Variants in FERMT2 observed in about 807,000 individuals in gnomAD.
The protein encoded by FERMT2 is fermitin family homolog 2.
Under a neutral mutation model 82.7 loss-of-function variants are expected in FERMT2, and 15 were observed. That is an observed-to-expected ratio of 0.18 (90% CI 0.12 to 0.28). FERMT2 has a LOEUF of 0.28. Ranked by LOEUF, FERMT2 falls within the 10% of genes least tolerant of loss-of-function variation. The probability of loss-of-function intolerance (pLI) is 1.00; values close to 1 mark genes in which losing one functional copy is unlikely to be tolerated. For missense variants in FERMT2, 645 were observed against 809.4 expected (o/e 0.80, Z 2.46); for synonymous variants, 274 against 271.5 (o/e 1.01, Z -0.09).
chr14:52,903,648 G>A (rs142217969), intron 3 of FERMT2, among the ~76,000 whole-genome samples: 1 of 151,832 alleles, frequency 6.6e-6, no homozygotes, highest in Non-Finnish European at 1.5e-5. Flanking sequence ...CAAATTCTGA[G>A]AGAAAAATAA....
Position 52,883,889 on chromosome 14 carries a change from C to T in FERMT2, c.527-2420G>A, listed in dbSNP as rs910875932. 2.6e-5 allele frequency among the ~76,000 whole-genome samples: 4 copies of T among 152,272 alleles called. No homozygotes were observed. The South Asian group carries it at 8.3e-4, about 32-fold the overall frequency. ...CTGTTCCAGCCACGTGAAGTGCTGG[C>T]TCCTCCTCCGCCTTCCGCTGTAATT... On this transcript the variant is annotated intron_variant, in intron 4 of 14. Coordinates refer to ENST00000341590, the MANE Select transcript of FERMT2 (RefSeq NM_006832.3).
intron 10 of FERMT2, among the ~76,000 whole-genome samples, chr14:52,872,592 TACA>T (rs1885693686): frequency 6.6e-6 from 1 of 152,184 alleles, no homozygotes. Context: ...ACAAAGAGAT[TACA>T]ACAAAATATT....
At chr14:52,864,345 G>C in intron 12 of FERMT2, 56 bp downstream of exon 12, 1 of 1,327,638 alleles carries the variant, frequency 7.5e-7, no homozygotes, top group Non-Finnish European at 1.1e-6. Flanking sequence ...ACAAAGTTAT[G>C]TACAAAATTA....
At chr14:52,870,294 A>G (rs112604334) in intron 10 of FERMT2, among the ~76,000 whole-genome samples, 3,736 of 151,260 alleles carry the variant, frequency 0.025, 155 homozygotes, top group African/African-American at 0.087. Context: ...TTGTTGCCCA[A>G]GCTGGAGTGC....
intron 7 of FERMT2, among the ~76,000 whole-genome samples, chr14:52,877,577 T>TAA (rs201732341): frequency 2.4e-5 from 3 of 125,866 alleles, no homozygotes; most frequent in African/African-American, 1.1e-4. Context: ...GTTCTTGCTT[T>TAA]TTTTTTTTTT....
At chr14:52,886,276 A>G (rs553192100) in intron 4 of FERMT2, among the ~76,000 whole-genome samples, 13 of 136,294 alleles carry the variant, frequency 9.5e-5, no homozygotes, top group East Asian at 2.3e-4. Context: ...CTTGGGGGGG[A>G]GAGAGAGAGA....
Position 52,881,142 on chromosome 14 carries a change from G to A in FERMT2, c.753-4C>T, listed in dbSNP as rs1432574495. ...AGATCTTGAGGAATCAAGCCATCTG[G>A]ACAAATTAAGAACAGTGGAACAAAA... On this transcript the variant is annotated splice_region_variant and splice_polypyrimidine_tract_variant and intron_variant, in intron 5 of 14. Coordinates refer to ENST00000341590, the MANE Select transcript of FERMT2 (RefSeq NM_006832.3). 6.2e-7 allele frequency: 1 copy of A among 1,609,422 alleles called. No homozygotes were observed. The highest frequency in any genetic ancestry group is 1.7e-5 in the Admixed American group (1 of 59,906).
chr14:52,927,590 T>TAAAAAA (rs1566755584), intron 2 of FERMT2, among the ~76,000 whole-genome samples: 9 of 11,810 alleles, frequency 7.6e-4, no homozygotes, highest in African/African-American at 2.3e-3. Flanking sequence ...ACCTCATCCC[T>TAAAAAA]ATAAAAAAAA....
chr14:52,906,007 AAAAG>A (rs1887987362), intron 3 of FERMT2, among the ~76,000 whole-genome samples: 2 of 152,248 alleles, frequency 1.3e-5, no homozygotes, highest in Non-Finnish European at 2.9e-5. Context: ...AAGGAAAAGA[AAAAG>A]AAACACTTTC....
chr14:52,942,487 A>G (rs1234244144), intron 2 of FERMT2, among the ~76,000 whole-genome samples: 5 of 151,906 alleles, frequency 3.3e-5, no homozygotes, highest in African/African-American at 1.2e-4. Context: ...TATTTTCAGT[A>G]GAGACGGGGT....
intron 7 of FERMT2, among the ~76,000 whole-genome samples, chr14:52,876,004 A>G (rs1002751001): frequency 6.6e-6 from 1 of 152,214 alleles, no homozygotes; most frequent in African/African-American, 2.4e-5. Flanking sequence ...TTTTGGATAC[A>G]GAATAGTTAC....
intron 2 of FERMT2, among the ~76,000 whole-genome samples, chr14:52,935,054 G>A (rs1009123116): frequency 2.0e-4 from 30 of 152,160 alleles, no homozygotes; most frequent in African/African-American, 7.2e-4. Flanking sequence ...CTTAGTTAAT[G>A]TATAAAGTTA....
At chr14:52,928,771 C>G (rs757869209) in intron 2 of FERMT2, among the ~76,000 whole-genome samples, 9 of 152,188 alleles carry the variant, frequency 5.9e-5, no homozygotes, top group Non-Finnish European at 1.0e-4. Flanking sequence ...CCATCAGATT[C>G]AAACTCTTTC....
At chr14:52,927,472 G>A (rs1889336036) in intron 2 of FERMT2, among the ~76,000 whole-genome samples, 1 of 151,458 alleles carries the variant, frequency 6.6e-6, no homozygotes, top group Non-Finnish European at 1.5e-5. Context: ...CTACTAAGAC[G>A]CAATTATTGG....
In FERMT2 at chr14:52,920,729, G is replaced by A. The variant is rs547553636; in HGVS notation, c.158-1373C>T. Among the ~76,000 whole-genome samples, 23 of 152,346 alleles carry A rather than the reference G, an allele frequency of 1.5e-4. No homozygotes were observed. The East Asian group carries it at 4.1e-3, about 27-fold the overall frequency. On this transcript the variant is annotated intron_variant, in intron 2 of 14. Transcript: ENST00000341590. Reference sequence around the variant, plus strand: ...AAACTTTGGGAGGCTGAGGCGGGCAGATCACTTGAGCCCAGGAATTCAAGA... The same window carrying A: ...AAACTTTGGGAGGCTGAGGCGGGCAAATCACTTGAGCCCAGGAATTCAAGA...
At chr14:52,875,200 G>A (rs200153802) in intron 8 of FERMT2, 23 bp downstream of exon 8, 5 of 1,584,246 alleles carry the variant, frequency 3.2e-6, no homozygotes, top group African/African-American at 2.7e-5. Flanking sequence ...AAATTAGTAG[G>A]TAAAAAAAAA....
intron 4 of FERMT2, among the ~76,000 whole-genome samples, chr14:52,884,897 G>C (rs962412656): frequency 2.0e-5 from 3 of 152,156 alleles, no homozygotes; most frequent in Non-Finnish European, 4.4e-5. Context: ...AGCTACTTGG[G>C]AGGCTGAGAC....
At chr14:52,940,040 C>G (rs193161028) in intron 2 of FERMT2, among the ~76,000 whole-genome samples, 1 of 152,074 alleles carries the variant, frequency 6.6e-6, no homozygotes, top group African/African-American at 2.4e-5. Flanking sequence ...TTTTTAAATA[C>G]CTAATGTATT....
chr14:52,944,183 T>C (rs182705281), intron 2 of FERMT2, among the ~76,000 whole-genome samples: 109 of 152,358 alleles, frequency 7.2e-4, no homozygotes, highest in Non-Finnish European at 1.1e-3. Flanking sequence ...CTATGGATCA[T>C]GAACAGTGTT....
Sources: gnomAD v4.1 joint callset for allele counts (sites outside exome capture counted in the v4.1 genomes callset) on GRCh38, gnomAD v4.1.1 for gene constraint, MANE v1.5 for transcripts, NCBI Gene and HGNC (gene_info 2026-07-23, HGNC 2026-07-21) for gene names.